The following CEP63 variants were observed in gnomAD, a reference collection of about 807,000 sequenced individuals.
The protein encoded by CEP63 is centrosomal protein 63.
CEP63 carries 84 observed loss-of-function variants against 89.1 expected under a neutral mutation model. The observed-to-expected ratio is 0.94, with a 90% CI of 0.79 to 1.13. CEP63 has a LOEUF of 1.13. Ranked by LOEUF, CEP63 falls within the 50% of genes most tolerant of loss-of-function variation. The pLI, the probability that CEP63 is intolerant of heterozygous loss-of-function variation, is 0.00. For missense variants in CEP63, 838 were observed against 813.3 expected, an observed-to-expected ratio of 1.03 and a Z score of -0.37; for synonymous variants, 267 against 272.5, an observed-to-expected ratio of 0.98 and a Z score of 0.20.
At chr3:134,547,510 G>GT in intron 9 of CEP63, 38 bp downstream of exon 9, 4 of 1,559,420 alleles carry the variant, frequency 2.6e-6, no homozygotes, top group Non-Finnish European at 8.8e-7. Flanking sequence ...ATTTCAAGTT[G>GT]TTAAAATGAA....
intron 10 of CEP63, among the ~76,000 whole-genome samples, chr3:134,583,455 G>GT (rs1258462336): frequency 4.6e-5 from 7 of 151,952 alleles, no homozygotes; most frequent in South Asian, 2.1e-4. Context: ...CCCATTTCTT[G>GT]TTTTTTTCAG....
Position 134,536,928 on chromosome 3 carries a change from C to T in CEP63, c.442-227C>T, listed in dbSNP as rs183279766. ...AACATCTGCGTGTCATACTCCTCAC[C>T]ATCAGGGTGTTAAATTTAGAAAGAC... On this transcript the variant is annotated intron_variant, in intron 5 of 14. Coordinates refer to ENST00000675561, the MANE Select transcript of CEP63 (RefSeq NM_001353108.3). 17 of 517,116 alleles carry T rather than the reference C, an allele frequency of 3.3e-5. 1 individual carries two copies. The Admixed American group carries it at 3.6e-4, about 11-fold the overall frequency. 32.0% of individuals were successfully genotyped at this position (517,116 alleles called of 1,614,324 possible). A position where few individuals can be genotyped will look rare whatever the true frequency, so the allele number is the denominator to read the frequency against.
At chr3:134,768,818 G>A in the CEP63 span, among the ~76,000 whole-genome samples, 5 of 152,202 alleles carry the variant, frequency 3.3e-5, no homozygotes, top group Non-Finnish European at 7.3e-5. Context: ...CTGTAAGATA[G>A]GGAGACTATC....
At chr3:134,515,104 G>T (rs1945926276) in intron 3 of CEP63, among the ~76,000 whole-genome samples, 1 of 152,140 alleles carries the variant, frequency 6.6e-6, no homozygotes, top group African/African-American at 2.4e-5. Flanking sequence ...AAATGGAATT[G>T]AAGTATTTAT....
intron 3 of CEP63, among the ~76,000 whole-genome samples, chr3:134,507,572 T>C (rs1422719753): frequency 6.6e-6 from 1 of 152,202 alleles, no homozygotes; most frequent in Non-Finnish European, 1.5e-5. Flanking sequence ...ACCTTCATCA[T>C]ATTACATGTT....
chr3:134,597,548 AG>A, the CEP63 span, among the ~76,000 whole-genome samples: 17 of 152,322 alleles, frequency 1.1e-4, no homozygotes, highest in Admixed American at 3.3e-4. Context: ...GAGAGACTCC[AG>A]GTGTTAGCAC....
chr3:134,740,104 G>A, the CEP63 span, among the ~76,000 whole-genome samples: 3 of 152,082 alleles, frequency 2.0e-5, no homozygotes, highest in African/African-American at 7.2e-5. Context: ...GGCTCAGATC[G>A]CCAAGTTACT....
chr3:134,709,517 C>T, the CEP63 span, among the ~76,000 whole-genome samples: 1 of 152,102 alleles, frequency 6.6e-6, no homozygotes, highest in East Asian at 1.9e-4. Context: ...TGGTCAGAGA[C>T]AGTTATCAGG....
chr3:134,496,613 T>G (rs1372725053), intron 2 of CEP63, among the ~76,000 whole-genome samples: 1 of 152,134 alleles, frequency 6.6e-6, no homozygotes, highest in Non-Finnish European at 1.5e-5. Context: ...GCTGGTAAAG[T>G]CTTGCTCTTT....
chr3:134,704,480 A>G, the CEP63 span, among the ~76,000 whole-genome samples: 2 of 152,180 alleles, frequency 1.3e-5, no homozygotes, highest in Non-Finnish European at 2.9e-5. Context: ...GAGTCAGATA[A>G]AGAAGGAAAA....
chr3:134,608,054 ACTCT>A, the CEP63 span: 1 of 1,070,876 alleles, frequency 9.3e-7, no homozygotes, highest in South Asian at 2.9e-5. Context: ...GTCTGCCCCA[ACTCT>A]CTGTCTTGGG....
chr3:134,778,619 C>T, the CEP63 span, among the ~76,000 whole-genome samples: 6,546 of 152,046 alleles, frequency 0.043, 303 homozygotes, highest in South Asian at 0.25. Context: ...AGTGCAGTGG[C>T]GCAATCTCTG....
chr3:134,671,295 G>A, the CEP63 span, among the ~76,000 whole-genome samples: 1 of 152,186 alleles, frequency 6.6e-6, no homozygotes, highest in Non-Finnish European at 1.5e-5. Context: ...GGCACACATG[G>A]ACATAAAGAG....
intron 10 of CEP63, among the ~76,000 whole-genome samples, chr3:134,580,972 T>A (rs1577514687): frequency 7.2e-6 from 1 of 138,462 alleles, no homozygotes; most frequent in South Asian, 2.4e-4. Context: ...GGGACCCAAG[T>A]GTGGAAGAGG....
chr3:134,643,468 G>T, the CEP63 span: 2 of 1,033,128 alleles, frequency 1.9e-6, no homozygotes, highest in Non-Finnish European at 1.5e-6. Flanking sequence ...CGGGAAAGGT[G>T]GGCTGGCGGG....
At chr3:134,605,655 A>G in the CEP63 span, among the ~76,000 whole-genome samples, 1 of 151,970 alleles carries the variant, frequency 6.6e-6, no homozygotes, top group South Asian at 2.1e-4. Flanking sequence ...CACCTGCCCT[A>G]CACTCCCACA....
the CEP63 span, among the ~76,000 whole-genome samples, chr3:134,659,058 T>A: frequency 3.3e-5 from 5 of 152,216 alleles, no homozygotes; most frequent in African/African-American, 1.2e-4. Context: ...GAAGCACTGC[T>A]TTCCAAATTT....
chr3:134,706,781 G>A, the CEP63 span, among the ~76,000 whole-genome samples: 1 of 152,218 alleles, frequency 6.6e-6, no homozygotes, highest in Non-Finnish European at 1.5e-5. Context: ...AGGAGAATCT[G>A]TTCCAAGCCT....
chr3:134,488,386 G>A (rs1346424121), intron 1 of CEP63, among the ~76,000 whole-genome samples: 1 of 151,988 alleles, frequency 6.6e-6, no homozygotes, highest in African/African-American at 2.4e-5. Flanking sequence ...GGCCGAGGTG[G>A]GCATGAGGTC....
Sources: gnomAD v4.1 joint callset for allele counts (sites outside exome capture counted in the v4.1 genomes callset) on GRCh38, gnomAD v4.1.1 for gene constraint, MANE v1.5 for transcripts, NCBI Gene and HGNC (gene_info 2026-07-23, HGNC 2026-07-21) for gene names.